TRMT61B: variants seen among roughly 807,000 people sequenced by gnomAD.
TRMT61B encodes tRNA (adenine(58)-N(1))-methyltransferase, mitochondrial.
In TRMT61B, 56 loss-of-function variants were observed where a neutral mutation model predicts 52.0. That is an observed-to-expected ratio of 1.08 (90% CI 0.87 to 1.35). The LOEUF (loss-of-function observed/expected upper bound fraction) is 1.35. Among genes scored for constraint, TRMT61B ranks in the 40% most tolerant of loss-of-function variants. The pLI is 0.00. For synonymous variants in TRMT61B, 206 were observed against 220.0 expected (o/e 0.94, Z 0.56); for missense variants, 650 against 577.9 (o/e 1.12, Z -1.28).
In TRMT61B at chr2:28,869,909, C is replaced by G. The variant is rs770473700; in HGVS notation, c.369G>C (p.Ser123=). Reference sequence around the variant, plus strand: ...TAGCGGACTGGGCCTGCGAGAGCATCGAAGGATCCTCGGATCCCTGGTGTG... The same window carrying G: ...TAGCGGACTGGGCCTGCGAGAGCATGGAAGGATCCTCGGATCCCTGGTGTG... ...GPTHQGSEDP[S]MLSQAQSATE... is the part of the protein sequence containing the mutation. Residue 123 remains serine (S), a synonymous_variant, in exon 1 of 7, where the codon TCG becomes TCC. Transcript: ENST00000306108. 3 of 1,613,850 alleles carry G rather than the reference C, an allele frequency of 1.9e-6. No homozygotes were observed. Among genetic ancestry groups the G allele is most frequent in the Admixed American group, 1.7e-5 (1 of 59,974 alleles).
chr2:28,852,864 TGGGA>T (rs1336787023), intron 3 of TRMT61B, among the ~76,000 whole-genome samples: 3 of 151,312 alleles, frequency 2.0e-5, no homozygotes, highest in African/African-American at 7.3e-5. Context: ...GAAGCTGAGG[TGGGA>T]GGGTCACTGG....
At chr2:28,851,823 G>A (rs1425866671) in intron 4 of TRMT61B, among the ~76,000 whole-genome samples, 8 of 133,882 alleles carry the variant, frequency 6.0e-5, no homozygotes, top group Admixed American at 2.5e-4. Context: ...AGGTTGCAGC[G>A]AGCTGAGATC....
chr2:28,861,305 C>A lies in TRMT61B; in HGVS notation c.806G>T (p.Gly269Val). Residue 269 changes from glycine to valine, a missense_variant, in exon 3 of 7, where the codon GGA becomes GTA. By Grantham distance (109) the Gly-to-Val change is moderately radical. Coordinates refer to ENST00000306108, the MANE Select transcript of TRMT61B (RefSeq NM_017910.4). ...GMSLFLSKAV[G>V]SQGRVISFEV... ...AAAACTTATGACTCGTCCTTGTGATCCAACTTAAGTAAAAAATAATTTGAT... is the reference window on the plus strand; with the variant it reads ...AAAACTTATGACTCGTCCTTGTGATACAACTTAAGTAAAAAATAATTTGAT... The A allele has an allele frequency of 1.3e-6, 2 of 1,571,146 alleles. No individual in the cohort carries two copies. Among genetic ancestry groups the A allele is most frequent in the South Asian group, 1.2e-5 (1 of 83,540 alleles).
At chr2:28,862,818 CTG>C (rs985296006) in intron 2 of TRMT61B, among the ~76,000 whole-genome samples, 6 of 120,166 alleles carry the variant, frequency 5.0e-5, no homozygotes, top group Admixed American at 4.5e-4. Flanking sequence ...TGGTGAAACC[CTG>C]TCTCTACCAA....
At chr2:28,864,471 TAATG>T (rs1349926235) in intron 2 of TRMT61B, among the ~76,000 whole-genome samples, 3 of 152,180 alleles carry the variant, frequency 2.0e-5, no homozygotes, top group Non-Finnish European at 2.9e-5. Flanking sequence ...ACAAACATAA[TAATG>T]AATGAGAGTA....
intron 1 of TRMT61B, among the ~76,000 whole-genome samples, chr2:28,868,815 C>T (rs775044206): frequency 1.2e-4 from 19 of 152,230 alleles, no homozygotes; most frequent in Admixed American, 2.6e-4. Flanking sequence ...GAGTTGAAGA[C>T]CAGCCTGGGC....
chr2:28,864,216 C>G lies in TRMT61B; in HGVS notation c.802+801G>C, dbSNP rs373209706. Among the ~76,000 whole-genome samples the G allele has an allele frequency of 6.0e-4, 91 of 152,116 alleles. No individual in the cohort carries two copies. The South Asian group carries it at 0.018, about 31-fold the overall frequency. On this transcript the variant is annotated intron_variant, in intron 2 of 6. Coordinates refer to ENST00000306108, the MANE Select transcript of TRMT61B (RefSeq NM_017910.4). ...ACCTACTATAATTCTTTGGCCCTAA[C>G]GATATATAACTCTCCCCCCAACAGC... is the stretch of plus-strand genomic sequence containing the variant.
intron 5 of TRMT61B, chr2:28,850,650 C>G (rs914066290): frequency 6.4e-5 from 26 of 408,230 alleles, no homozygotes; most frequent in Non-Finnish European, 1.0e-4. Context: ...TACTTGAAAA[C>G]TTGTTCATGG....
intron 3 of TRMT61B, 78 bp downstream of exon 3, chr2:28,861,040 T>C: frequency 1.6e-6 from 2 of 1,229,292 alleles, no homozygotes; most frequent in Non-Finnish European, 1.1e-6. Flanking sequence ...GGAAGACCTT[T>C]GCCCATACAA....
chr2:28,858,656 A>G (rs899118019), intron 3 of TRMT61B, among the ~76,000 whole-genome samples: 8 of 151,146 alleles, frequency 5.3e-5, no homozygotes, highest in African/African-American at 1.7e-4. Context: ...CTAGCCAGCC[A>G]TGGTGGCGGG....
In TRMT61B at chr2:28,870,201, C is replaced by T; in HGVS notation, c.77G>A (p.Gly26Asp). Residue 26 changes from glycine to aspartate, a missense_variant, in exon 1 of 7, where the codon GGC (glycine) becomes GAC (aspartate). Physicochemically the swap from Gly to Asp is moderately conservative, Grantham distance 94. Coordinates refer to ENST00000306108, the MANE Select transcript of TRMT61B (RefSeq NM_017910.4). ...QGLGTNSFLH[G>D]LGQEPFEGAR... The stretch of plus-strand genomic sequence containing the variant: ...TCCCTCGAAGGGCTCCTGCCCCAGG[C>T]CGTGCAGGAATGAATTGGTTCCGAG... 1.2e-6 allele frequency: 2 copies of T among 1,612,430 alleles called. No individual in the cohort carries two copies.
At chr2:28,850,275 A>G (rs763650665) in intron 6 of TRMT61B, 33 bp from the exon 7 acceptor site, 2 of 1,603,984 alleles carry the variant, frequency 1.2e-6, no homozygotes, top group Admixed American at 1.7e-5. Flanking sequence ...TAAAGTCATT[A>G]TATTAATTAA....
chr2:28,861,063 C>A (rs1265512716), intron 3 of TRMT61B, 55 bp downstream of exon 3: 6 of 1,425,892 alleles, frequency 4.2e-6, no homozygotes, highest in African/African-American at 1.5e-5. Flanking sequence ...GAAGCCTGAC[C>A]CCTATCTTCT....
chr2:28,858,595 G>A (rs1236970770), intron 3 of TRMT61B, among the ~76,000 whole-genome samples: 3 of 150,806 alleles, frequency 2.0e-5, no homozygotes, highest in African/African-American at 7.3e-5. Flanking sequence ...TGGAGTTCGA[G>A]ACCAGCCTAG....
In TRMT61B at chr2:28,850,375, G is replaced by T; in HGVS notation, c.1343C>A (p.Ser448Ter). ...TACTGGTCTAGCAACATAGGGAAAT[G>T]ATCCATATGGAAAATCAGAATGCGA... ...EESHSDFPYG[S>*]FPYVARPVHW... Residue 448 changes from serine (S) to a stop codon, truncating the protein, a stop_gained, in exon 6 of 7, where the codon TCA becomes TAA. Transcript: ENST00000306108. LOFTEE classifies it high-confidence loss of function. 1 of 1,608,282 alleles carries T rather than the reference G, an allele frequency of 6.2e-7. No individual in the cohort carries two copies.
In TRMT61B at chr2:28,869,715, G is replaced by C; in HGVS notation, c.563C>G (p.Pro188Arg). 6.2e-7 allele frequency: 1 copy of C among 1,614,152 alleles called. No homozygotes were observed. The highest frequency in any genetic ancestry group is 8.5e-7 in the Non-Finnish European group (1 of 1,180,032). The change falls in exon 1 of 7, where the codon CCG (proline) becomes CGG (arginine). Residue 188 changes from proline to arginine, a missense_variant. Coordinates refer to ENST00000306108, the MANE Select transcript of TRMT61B (RefSeq NM_017910.4). Reference sequence around the variant, plus strand: ...GAACTTCCCCACGATCTTGCCGAACGGGACTGCCCCCCAGTTACTATTTAA... The same window carrying C: ...GAACTTCCCCACGATCTTGCCGAACCGGACTGCCCCCCAGTTACTATTTAA... ...GLLNSNWGAV[P>R]FGKIVGKFPG...
intron 1 of TRMT61B, among the ~76,000 whole-genome samples, chr2:28,865,882 C>T (rs942587941): frequency 6.6e-5 from 10 of 151,116 alleles, no homozygotes; most frequent in South Asian, 2.1e-4. Context: ...GGTTTCACCA[C>T]GTTGGCCAGG....
chr2:28,865,672 CTTTTTTTTTT>C (rs70958219), intron 1 of TRMT61B, among the ~76,000 whole-genome samples: 1 of 80,070 alleles, frequency 1.2e-5, no homozygotes, highest in South Asian at 4.7e-4. Flanking sequence ...GATGAATTTC[CTTTTTTTTTT>C]TTTTTTTTTT....
At position 28,870,010 on chromosome 2, in the gene TRMT61B, G is replaced by C. The variant is rs973007497; in HGVS notation, c.268C>G (p.Leu90Val). Residue 90 changes from leucine (L) to valine (V), a missense_variant, in exon 1 of 7, where the codon CTG (leucine) becomes GTG (valine). Physicochemically the swap from Leu to Val is conservative, Grantham distance 32 (BLOSUM62 1). Coordinates refer to ENST00000306108, the MANE Select transcript of TRMT61B (RefSeq NM_017910.4). ...GATGACTCTTCCCGCAGCGTCGGCA[G>C]TCTGAGGTTTTCCAGTGACGAAAGA... ...GCLSSLENLR[L>V]PTLREESSPR... is the part of the protein sequence containing the mutation. 3 of 1,613,814 alleles carry C rather than the reference G, an allele frequency of 1.9e-6. No individual in the cohort carries two copies. Among genetic ancestry groups the C allele is most frequent in the Non-Finnish European group, 2.5e-6 (3 of 1,180,038 alleles).
Sources: gnomAD v4.1 joint callset for allele counts (sites outside exome capture counted in the v4.1 genomes callset) on GRCh38, gnomAD v4.1.1 for gene constraint, MANE v1.5 for transcripts, NCBI Gene and HGNC (gene_info 2026-07-23, HGNC 2026-07-21) for gene names.